The following KLHL29 variants were observed in gnomAD, a reference collection of about 807,000 sequenced individuals.
KLHL29 encodes kelch like family member 29.
KLHL29 carries 21 observed loss-of-function variants against 80.4 expected under a neutral mutation model. The ratio of observed to expected loss-of-function variants is 0.26; its 90% CI spans 0.19 to 0.38. The LOEUF is 0.38. KLHL29 is among the 10% of genes least tolerant of loss of function. The pLI is 1.00. For missense variants in KLHL29, 867 were observed against 1,223.9 expected (o/e 0.71, Z 4.35); for synonymous variants, 511 against 526.8 (o/e 0.97, Z 0.41).
intron 2 of KLHL29, among the ~76,000 whole-genome samples, chr2:23,526,188 G>A (rs574338280): frequency 2.0e-4 from 30 of 152,232 alleles, no homozygotes; most frequent in Non-Finnish European, 3.1e-4. Flanking sequence ...GAAGCTGCAT[G>A]GAGTGTGCAG....
intron 7 of KLHL29, among the ~76,000 whole-genome samples, chr2:23,692,676 G>A (rs1421109125): frequency 1.3e-5 from 2 of 152,186 alleles, no homozygotes; most frequent in African/African-American, 4.8e-5. Context: ...AGGGGAAAGA[G>A]TGCAAGGCCC....
At chr2:23,509,509 AT>A (rs1665707565) in intron 2 of KLHL29, among the ~76,000 whole-genome samples, 1 of 152,170 alleles carries the variant, frequency 6.6e-6, no homozygotes, top group Non-Finnish European at 1.5e-5. Flanking sequence ...CTTTAAGGTC[AT>A]TACAGTCAAT....
intron 1 of KLHL29, among the ~76,000 whole-genome samples, chr2:23,455,605 ATTTT>A (rs397873479): frequency 2.8e-5 from 3 of 105,990 alleles, no homozygotes; most frequent in East Asian, 2.7e-4. Flanking sequence ...TGGTCTCCTG[ATTTT>A]TTTTTTTTTT....
At chr2:23,609,527 C>G (rs1668806314) in intron 3 of KLHL29, among the ~76,000 whole-genome samples, 1 of 152,056 alleles carries the variant, frequency 6.6e-6, no homozygotes, top group Middle Eastern at 3.4e-3. Flanking sequence ...GAATGCGCCC[C>G]CCTCGGCTGG....
intron 1 of KLHL29, among the ~76,000 whole-genome samples, chr2:23,466,308 TAATAA>T (rs901845438): frequency 2.6e-5 from 4 of 152,248 alleles, no homozygotes; most frequent in African/African-American, 9.6e-5. Flanking sequence ...GTGTAATGTG[TAATAA>T]AATATAAATA....
chr2:23,627,261 T>C (rs1669338712), intron 3 of KLHL29, among the ~76,000 whole-genome samples: 1 of 152,168 alleles, frequency 6.6e-6, no homozygotes, highest in South Asian at 2.1e-4. Flanking sequence ...CTTTTAAACA[T>C]CACTTTAACC....
intron 3 of KLHL29, among the ~76,000 whole-genome samples, chr2:23,603,162 C>T (rs1668617342): frequency 6.6e-6 from 1 of 152,172 alleles, no homozygotes; most frequent in African/African-American, 2.4e-5. Flanking sequence ...GGTTTGAGGT[C>T]AGAAGTGAAG....
At chr2:23,691,115 T>C (rs2551350) in intron 6 of KLHL29, 133,267 of 155,020 alleles carry the variant, frequency 0.86, 58,630 homozygotes, top group East Asian at 1. Context: ...GGCTTCCTTT[T>C]CATGCCTAAA....
At chr2:23,431,582 C>A (rs1663176962) in intron 1 of KLHL29, among the ~76,000 whole-genome samples, 1 of 148,978 alleles carries the variant, frequency 6.7e-6, no homozygotes, top group African/African-American at 2.5e-5. Flanking sequence ...CAATTTCATT[C>A]TTTTTTTTCT....
chr2:23,532,860 G>GGA (rs1468487034), intron 2 of KLHL29, among the ~76,000 whole-genome samples: 2 of 152,312 alleles, frequency 1.3e-5, no homozygotes, highest in South Asian at 4.1e-4. Flanking sequence ...GCTACCAACT[G>GGA]GAGAGAGACG....
intron 1 of KLHL29, among the ~76,000 whole-genome samples, chr2:23,439,396 T>C (rs1663444606): frequency 6.6e-6 from 1 of 151,850 alleles, no homozygotes; most frequent in African/African-American, 2.4e-5. Context: ...CTTTTAATTG[T>C]GATGTTAGGG....
chr2:23,619,663 C>T lies in KLHL29; in HGVS notation c.286-19476C>T, dbSNP rs61681122. On this transcript the variant is annotated intron_variant, in intron 3 of 13. Transcript: ENST00000486442. ...AAAATCAATGTCTGGTGTCAGGACT[C>T]CCCTATTAACAGCTTGATTAGAAAG... 8.1e-3 allele frequency among the ~76,000 whole-genome samples: 1,239 copies of T among 152,200 alleles called. 17 individuals are homozygous for T. The highest frequency in any genetic ancestry group is 0.044 in the South Asian group (212 of 4,814).
intron 5 of KLHL29, among the ~76,000 whole-genome samples, chr2:23,663,584 C>A (rs1280128336): frequency 2.0e-5 from 3 of 152,216 alleles, no homozygotes; most frequent in Admixed American, 2.0e-4. Flanking sequence ...TGACTTTAAT[C>A]TGAGCCTTCT....
chr2:23,657,577 A>T, intron 5 of KLHL29, among the ~76,000 whole-genome samples: 1 of 152,258 alleles, frequency 6.6e-6, no homozygotes, highest in Non-Finnish European at 1.5e-5. Flanking sequence ...CCATTCGGGC[A>T]AATTACTCTG....
chr2:23,442,857 G>T (rs1663570637), intron 1 of KLHL29, among the ~76,000 whole-genome samples: 1 of 152,198 alleles, frequency 6.6e-6, no homozygotes, highest in African/African-American at 2.4e-5. Context: ...ACATTTGACA[G>T]ACCAGAATCT....
intron 2 of KLHL29, among the ~76,000 whole-genome samples, chr2:23,512,689 C>G (rs1291549368): frequency 2.0e-5 from 3 of 152,206 alleles, no homozygotes; most frequent in Admixed American, 6.5e-5. Flanking sequence ...TTATCGTGAT[C>G]TATATAGCTC....
chr2:23,531,851 CTG>C (rs1214537159), intron 2 of KLHL29, among the ~76,000 whole-genome samples: 1 of 152,236 alleles, frequency 6.6e-6, no homozygotes, highest in Non-Finnish European at 1.5e-5. Context: ...CATCAGCAGA[CTG>C]CACTATACTA....
At chr2:23,665,370 A>C (rs1177092998) in intron 5 of KLHL29, among the ~76,000 whole-genome samples, 3 of 152,152 alleles carry the variant, frequency 2.0e-5, no homozygotes, top group African/African-American at 7.2e-5. Flanking sequence ...ATCATACCTG[A>C]ACTGACTTCT....
intron 3 of KLHL29, among the ~76,000 whole-genome samples, chr2:23,609,853 C>G (rs1668815311): frequency 6.6e-6 from 1 of 152,134 alleles, no homozygotes; most frequent in African/African-American, 2.4e-5. Flanking sequence ...CAAGACTACA[C>G]TAATCTAAGT....
Sources: allele counts gnomAD v4.1 joint callset (sites outside exome capture counted in the v4.1 genomes callset), GRCh38; gene constraint gnomAD v4.1.1; transcripts MANE v1.5; gene names NCBI Gene and HGNC (gene_info 2026-07-23, HGNC 2026-07-21).